CABCOCO1: variants seen among roughly 807,000 people sequenced by gnomAD.
CABCOCO1 encodes the protein ciliary-associated calcium-binding coiled-coil protein 1.
Under a neutral mutation model 35.7 loss-of-function variants are expected in CABCOCO1, and 28 were observed. The ratio of observed to expected loss-of-function variants is 0.78; its 90% CI spans 0.58 to 1.07. CABCOCO1 has a LOEUF of 1.07. CABCOCO1 is among the 50% of genes least tolerant of loss of function. The pLI, the probability that CABCOCO1 is intolerant of heterozygous loss-of-function variation, is 0.00. For missense variants in CABCOCO1, 326 were observed against 309.2 expected, an observed-to-expected ratio of 1.05 and a Z score of -0.41; for synonymous variants, 95 against 100.1, an observed-to-expected ratio of 0.95 and a Z score of 0.30.
At chr10:61,689,441 C>T (rs1030792018) in intron 4 of CABCOCO1, among the ~76,000 whole-genome samples, 3 of 152,058 alleles carry the variant, frequency 2.0e-5, no homozygotes, top group Admixed American at 6.6e-5. Context: ...AATACCATGA[C>T]AGACTCTGCA....
Position 61,681,279 on chromosome 10 carries a change from A to T in CABCOCO1, c.301A>T (p.Thr101Ser), listed in dbSNP as rs757163513. The T allele has an allele frequency of 6.4e-7, 1 of 1,568,366 alleles. No homozygotes were observed. The highest frequency in any genetic ancestry group is 8.7e-7 in the Non-Finnish European group (1 of 1,149,630). ...TATTATTCAGTATTCAAAATTTATG[A>T]CTTTACTAGCTATGTCACTTCAAAA... ...FSIIQYSKFM[T>S]LLAMSLQNLK... is the part of the protein sequence containing the mutation. Residue 101 changes from threonine to serine, a missense_variant, in exon 3 of 8, where the codon ACT becomes TCT. Thr to Ser is a moderately conservative substitution (Grantham distance 58, BLOSUM62 1). Coordinates refer to ENST00000648843, the MANE Select transcript of CABCOCO1 (RefSeq NM_001366906.2).
rs193120948 is a variant in CABCOCO1, at chr10:61,742,400, C to G, written c.553-17659C>G. ...TCAATTGAATTTAACATGTGTTGCA[C>G]GAACTATATGCAAGATGCTCCACCA... is the stretch of plus-strand genomic sequence containing the variant. On this transcript the variant is annotated intron_variant, in intron 5 of 7. Coordinates refer to ENST00000648843, the MANE Select transcript of CABCOCO1 (RefSeq NM_001366906.2). Among the ~76,000 whole-genome samples the G allele has an allele frequency of 5.3e-5, 8 of 152,072 alleles. No individual in the cohort carries two copies. In the East Asian group the frequency reaches 1.5e-3, roughly 29 times the overall value.
At chr10:61,754,476 C>T (rs1841856018) in intron 5 of CABCOCO1, among the ~76,000 whole-genome samples, 1 of 152,072 alleles carries the variant, frequency 6.6e-6, no homozygotes, top group Non-Finnish European at 1.5e-5. Context: ...AATAGGAATA[C>T]TCAGATTTCT....
intron 5 of CABCOCO1, among the ~76,000 whole-genome samples, chr10:61,759,656 C>T (rs1269555338): frequency 6.6e-6 from 1 of 151,972 alleles, no homozygotes; most frequent in Non-Finnish European, 1.5e-5. Context: ...TAGCAGTCCC[C>T]ATCAGGATGA....
chr10:61,736,745 T>C (rs757063991), intron 5 of CABCOCO1, among the ~76,000 whole-genome samples: 2 of 152,256 alleles, frequency 1.3e-5, no homozygotes, highest in Non-Finnish European at 2.9e-5. Flanking sequence ...ATAGCCATTT[T>C]AATGATATTG....
At chr10:61,723,558 T>G (rs1169854596) in intron 5 of CABCOCO1, among the ~76,000 whole-genome samples, 1 of 152,090 alleles carries the variant, frequency 6.6e-6, no homozygotes, top group Non-Finnish European at 1.5e-5. Context: ...CAATAGAAAT[T>G]TGTTTCCTCA....
At chr10:61,752,047 G>A (rs1841800842) in intron 5 of CABCOCO1, among the ~76,000 whole-genome samples, 1 of 152,156 alleles carries the variant, frequency 6.6e-6, no homozygotes, top group Non-Finnish European at 1.5e-5. Flanking sequence ...CACAAAATCA[G>A]TTTTGTAGTT....
Position 61,674,341 on chromosome 10 carries a change from C to A in CABCOCO1, c.164+1606C>A, listed in dbSNP as rs115734841. Among the ~76,000 whole-genome samples, 577 of 152,276 alleles carry A rather than the reference C, an allele frequency of 3.8e-3. 7 individuals carry two copies. The highest frequency in any genetic ancestry group is 0.013 in the African/African-American group (552 of 41,560). On this transcript the variant is annotated intron_variant, in intron 2 of 7. Transcript: ENST00000648843. ...ATATAAAAACAGCCAGGCTCAATAGCAGGTTGACCTTTTTAGACTGTCTCA... is the reference window on the plus strand; with the variant it reads ...ATATAAAAACAGCCAGGCTCAATAGAAGGTTGACCTTTTTAGACTGTCTCA...
chr10:61,745,830 C>T (rs1841643477), intron 5 of CABCOCO1, among the ~76,000 whole-genome samples: 1 of 152,150 alleles, frequency 6.6e-6, no homozygotes, highest in African/African-American at 2.4e-5. Context: ...TTGAAAGACC[C>T]ACAGTGTTCT....
chr10:61,693,761 A>G (rs575245147), intron 5 of CABCOCO1, among the ~76,000 whole-genome samples: 48 of 152,264 alleles, frequency 3.2e-4, no homozygotes, highest in Non-Finnish European at 6.3e-4. Flanking sequence ...AATACGGAAG[A>G]TAAAGGAATA....
intron 5 of CABCOCO1, among the ~76,000 whole-genome samples, chr10:61,756,221 C>T (rs535471149): frequency 6.6e-6 from 1 of 151,932 alleles, no homozygotes; most frequent in Non-Finnish European, 1.5e-5. Context: ...TAGCACAAGT[C>T]AAGTAAAGAT....
At chr10:61,709,239 G>A (rs953532989) in intron 5 of CABCOCO1, among the ~76,000 whole-genome samples, 1 of 151,996 alleles carries the variant, frequency 6.6e-6, no homozygotes, top group African/African-American at 2.4e-5. Context: ...CTCAAAAGAG[G>A]CTCCCCAAAT....
intron 7 of CABCOCO1, 136 bp downstream of exon 7, chr10:61,761,139 A>G: frequency 1.1e-6 from 1 of 904,064 alleles, no homozygotes; most frequent in Non-Finnish European, 1.7e-6. Context: ...ACAGCTTCAC[A>G]TAATTCTCAG....
chr10:61,678,683 G>A (rs1006544260), intron 2 of CABCOCO1, among the ~76,000 whole-genome samples: 11 of 151,922 alleles, frequency 7.2e-5, no homozygotes, highest in Admixed American at 6.6e-4. Context: ...GATAACTGGC[G>A]GTAGCAACTA....
At chr10:61,707,495 C>A (rs1840622309) in intron 5 of CABCOCO1, among the ~76,000 whole-genome samples, 1 of 152,154 alleles carries the variant, frequency 6.6e-6, no homozygotes, top group Non-Finnish European at 1.5e-5. Flanking sequence ...AGGATACACT[C>A]CTCTTATCTG....
intron 5 of CABCOCO1, among the ~76,000 whole-genome samples, chr10:61,699,976 A>G (rs1056016093): frequency 2.0e-5 from 3 of 152,158 alleles, no homozygotes; most frequent in African/African-American, 7.2e-5. Flanking sequence ...TTAATTACAC[A>G]AAGTTATATT....
intron 5 of CABCOCO1, among the ~76,000 whole-genome samples, chr10:61,730,524 G>A (rs1841278182): frequency 6.6e-6 from 1 of 152,058 alleles, no homozygotes; most frequent in African/African-American, 2.4e-5. Flanking sequence ...TTGTCATTTA[G>A]TAACCATCCC....
intron 5 of CABCOCO1, among the ~76,000 whole-genome samples, chr10:61,715,171 A>G (rs904858362): frequency 1.3e-5 from 2 of 152,010 alleles, no homozygotes; most frequent in African/African-American, 4.8e-5. Context: ...GTCTCTAAGG[A>G]CTTGCTTTAT....
intron 1 of CABCOCO1, among the ~76,000 whole-genome samples, chr10:61,670,469 T>C (rs1479854375): frequency 6.6e-6 from 1 of 152,192 alleles, no homozygotes; most frequent in African/African-American, 2.4e-5. Flanking sequence ...ATTTCTAAAT[T>C]AGATTTTCAA....
Sources: allele counts gnomAD v4.1 joint callset (sites outside exome capture counted in the v4.1 genomes callset), GRCh38; gene constraint gnomAD v4.1.1; transcripts MANE v1.5; gene names NCBI Gene and HGNC (gene_info 2026-07-23, HGNC 2026-07-21).